Variants in ENOX2 observed in about 807,000 individuals in gnomAD.
The protein encoded by ENOX2 is APK1 antigen.
In ENOX2, 36 loss-of-function variants were observed where a neutral mutation model predicts 45.0. The observed-to-expected ratio is 0.80, with a 90% confidence interval of 0.61 to 1.06. The LOEUF is 1.06. ENOX2 is among the 50% of genes least tolerant of loss of function. The pLI is 0.00. For synonymous variants in ENOX2, 174 were observed against 152.3 expected (o/e 1.14, Z -1.05); for missense variants, 423 against 462.5 (o/e 0.91, Z 0.78).
chrX:130,679,485 T>C, intron 6 of ENOX2, 57 bp downstream of exon 6: 1 of 985,500 alleles, frequency 1.0e-6, no homozygotes, highest in Non-Finnish European at 1.4e-6. Flanking sequence ...CAAATAGTTC[T>C]ATCTTTAATA....
At chrX:130,765,424 TTA>T (rs982037962) in intron 3 of ENOX2, among the ~76,000 whole-genome samples, 8 of 111,473 alleles carry the variant, frequency 7.2e-5, no homozygotes, top group South Asian at 3.8e-4. Flanking sequence ...AATCTCAAAA[TTA>T]TATGTTTTAA....
At chrX:130,818,816 TACC>T (rs2077538667) in intron 2 of ENOX2, among the ~76,000 whole-genome samples, 1 of 110,783 alleles carries the variant, frequency 9.0e-6, no homozygotes, top group South Asian at 3.8e-4. Context: ...ACCTAGGCAA[TACC>T]ATTCATGACT....
At chrX:130,741,725 G>C (rs1424972673) in intron 3 of ENOX2, among the ~76,000 whole-genome samples, 1 of 111,282 alleles carries the variant, frequency 9.0e-6, no homozygotes, top group Non-Finnish European at 1.9e-5. Context: ...TAGGAGCCCA[G>C]GGACATCGCT....
intron 2 of ENOX2, among the ~76,000 whole-genome samples, chrX:130,794,991 C>T (rs1329968255): frequency 5.4e-5 from 6 of 111,867 alleles, no homozygotes; most frequent in Non-Finnish European, 1.1e-4. Context: ...TTTTATCCTC[C>T]CTCCTGGCTC....
chrX:130,805,845 A>T (rs1234310993), intron 2 of ENOX2, among the ~76,000 whole-genome samples: 1 of 112,011 alleles, frequency 8.9e-6, no homozygotes, highest in Admixed American at 9.5e-5. Context: ...GATGGCAATG[A>T]TTGTTCCTGC....
At chrX:130,648,449 A>G (rs1049685017) in intron 10 of ENOX2, among the ~76,000 whole-genome samples, 1 of 111,008 alleles carries the variant, frequency 9.0e-6, no homozygotes, top group Admixed American at 9.5e-5. Context: ...CAAAAAAAAA[A>G]AGAAGGAATT....
chrX:130,638,471 C>T (rs1340489601), intron 10 of ENOX2, among the ~76,000 whole-genome samples: 3 of 107,428 alleles, frequency 2.8e-5, no homozygotes, highest in Non-Finnish European at 3.9e-5. Flanking sequence ...CACACACACA[C>T]GAATATAGCA....
intron 4 of ENOX2, among the ~76,000 whole-genome samples, chrX:130,701,893 A>T (rs751259506): frequency 2.7e-5 from 3 of 112,323 alleles, no homozygotes; most frequent in Admixed American, 9.4e-5. Flanking sequence ...AGTGAACTAC[A>T]ACCTATGGTA....
At chrX:130,782,840 G>A (rs1361269167) in intron 3 of ENOX2, among the ~76,000 whole-genome samples, 4 of 107,698 alleles carry the variant, frequency 3.7e-5, no homozygotes, top group South Asian at 8.0e-4. Flanking sequence ...CACTCCTTTT[G>A]GAAAAAAAAA....
intron 2 of ENOX2, among the ~76,000 whole-genome samples, chrX:130,799,592 T>C (rs2077184615): frequency 8.9e-6 from 1 of 112,261 alleles, no homozygotes; most frequent in South Asian, 3.7e-4. Context: ...TGCTCTTCCA[T>C]CAACTCATAG....
At chrX:130,773,686 A>T (rs2039792538) in intron 3 of ENOX2, among the ~76,000 whole-genome samples, 1 of 112,134 alleles carries the variant, frequency 8.9e-6, no homozygotes, top group Non-Finnish European at 1.9e-5. Flanking sequence ...TATCTCTCTA[A>T]TGGTTTTGTG....
intron 2 of ENOX2, among the ~76,000 whole-genome samples, chrX:130,790,998 T>C (rs889973654): frequency 2.7e-5 from 3 of 112,054 alleles, no homozygotes; most frequent in Non-Finnish European, 5.6e-5. Context: ...GCTTTTTGTT[T>C]TTCCTTTTTG....
At chrX:130,703,038 A>G in intron 4 of ENOX2, 82 bp downstream of exon 4, 1 of 982,518 alleles carries the variant, frequency 1.0e-6, no homozygotes. Flanking sequence ...TCAACTTCAA[A>G]ATAAGTTGTG....
At chrX:130,899,390 T>A (rs997515722) in intron 2 of ENOX2, among the ~76,000 whole-genome samples, 1 of 111,844 alleles carries the variant, frequency 8.9e-6, no homozygotes, top group Non-Finnish European at 1.9e-5. Context: ...CTCTTCTGGA[T>A]GCTATGGGTA....
At chrX:130,859,218 G>A in intron 2 of ENOX2, among the ~76,000 whole-genome samples, 1 of 111,888 alleles carries the variant, frequency 8.9e-6, no homozygotes, top group East Asian at 2.8e-4. Flanking sequence ...AGCTACTCAG[G>A]AGGCTGACAC....
intron 3 of ENOX2, among the ~76,000 whole-genome samples, chrX:130,717,488 C>T (rs2038358838): frequency 8.9e-6 from 1 of 111,933 alleles, no homozygotes; most frequent in African/African-American, 3.3e-5. Context: ...TCTGGGAAAG[C>T]ATGCCCTCCT....
intron 2 of ENOX2, among the ~76,000 whole-genome samples, chrX:130,786,039 T>C (rs919923045): frequency 8.9e-6 from 1 of 112,892 alleles, no homozygotes; most frequent in Non-Finnish European, 1.9e-5. Context: ...CCCTATAAAC[T>C]TGAAAGCTCT....
intron 4 of ENOX2, among the ~76,000 whole-genome samples, chrX:130,694,407 G>A (rs1414241192): frequency 1.8e-5 from 2 of 111,042 alleles, no homozygotes; most frequent in Non-Finnish European, 3.8e-5. Context: ...TATATGGAAG[G>A]ACCATTGTTC....
chrX:130,656,751 T>C, intron 9 of ENOX2, 56 bp from the exon 10 acceptor site: 2 of 685,076 alleles, frequency 2.9e-6, no homozygotes, highest in Non-Finnish European at 4.6e-6. Context: ...GTTGAGGAAA[T>C]GAATGGAGTT....
Sources: gnomAD v4.1 joint callset for allele counts (sites outside exome capture counted in the v4.1 genomes callset) on GRCh38, gnomAD v4.1.1 for gene constraint, MANE v1.5 for transcripts, NCBI Gene and HGNC (gene_info 2026-07-23, HGNC 2026-07-21) for gene names.